The following NPSR1 variants were observed in gnomAD, a reference collection of about 807,000 sequenced individuals.
The protein encoded by NPSR1 is neuropeptide S receptor 1.
In NPSR1, 48 loss-of-function variants were observed where a neutral mutation model predicts 46.9. The observed-to-expected ratio is 1.02, with a 90% CI of 0.81 to 1.30. The LOEUF (loss-of-function observed/expected upper bound fraction) is 1.30, where lower values mean the gene tolerates loss of function less well. NPSR1 is among the 50% of genes most tolerant of loss of function. NPSR1 has a pLI of 0.00. For missense variants in NPSR1, 450 were observed against 449.5 expected, an observed-to-expected ratio of 1.00 and a Z score of -0.01; for synonymous variants, 176 against 168.1, an observed-to-expected ratio of 1.05 and a Z score of -0.36.
intron 5 of NPSR1, 40 bp downstream of exon 5, chr7:34,827,642 G>GGC: frequency 1.7e-6 from 1 of 605,470 alleles, no homozygotes; most frequent in South Asian, 1.4e-5. Flanking sequence ...GGGGGGTGGG[G>GGC]CGGGGGGGGC....
chr7:34,661,448 C>T (rs1791447587), intron 1 of NPSR1, among the ~76,000 whole-genome samples: 1 of 152,186 alleles, frequency 6.6e-6, no homozygotes, highest in Non-Finnish European at 1.5e-5. Context: ...TACCTAGGCT[C>T]CTGACTTCGT....
intron 2 of NPSR1, among the ~76,000 whole-genome samples, chr7:34,687,864 T>A (rs1227644864): frequency 6.6e-6 from 1 of 152,156 alleles, no homozygotes; most frequent in East Asian, 1.9e-4. Context: ...GGGCCAAGAT[T>A]TCATAGAGCA....
intron 1 of NPSR1, among the ~76,000 whole-genome samples, chr7:34,679,604 A>T (rs2125405): frequency 0.11 from 16,571 of 152,130 alleles, 985 homozygotes; most frequent in African/African-American, 0.15. Context: ...TGTTGAAGGA[A>T]ATGATGTTAT....
chr7:34,723,743 G>C (rs576369228), intron 2 of NPSR1, among the ~76,000 whole-genome samples: 1 of 152,084 alleles, frequency 6.6e-6, no homozygotes, highest in South Asian at 2.1e-4. Flanking sequence ...CTGTGCTCAA[G>C]CAATCCCTTC....
At position 34,868,595 on chromosome 7, in the gene NPSR1, C is replaced by T. The variant is rs140234623; in HGVS notation, c.1026-9481C>T. Among the ~76,000 whole-genome samples the T allele has an allele frequency of 1.2e-4, 18 of 151,618 alleles. 1 individual carries two copies. Among genetic ancestry groups the T allele is most frequent in the Middle Eastern group, 3.4e-3 (1 of 294 alleles). On this transcript the variant is annotated intron_variant, in intron 8 of 8. Transcript: ENST00000359791. ...AGACATGTCAGGGTGAACTTGCTCT[C>T]GGCAGAAGAGAGAAACCTCCCACTA...
At chr7:34,690,895 G>A (rs1016099381) in intron 2 of NPSR1, among the ~76,000 whole-genome samples, 4 of 152,070 alleles carry the variant, frequency 2.6e-5, no homozygotes, top group Admixed American at 1.3e-4. Context: ...AAGACACATC[G>A]TGAGAAGAAC....
At chr7:34,767,550 A>C (rs1440884467) in intron 2 of NPSR1, among the ~76,000 whole-genome samples, 1 of 152,200 alleles carries the variant, frequency 6.6e-6, no homozygotes, top group Non-Finnish European at 1.5e-5. Context: ...ATAGATCCAT[A>C]AAAATTGCCC....
chr7:34,684,476 A>T, intron 1 of NPSR1, 76 bp from the exon 2 acceptor site: 1 of 1,457,352 alleles, frequency 6.9e-7, no homozygotes, highest in Non-Finnish European at 9.4e-7. Flanking sequence ...GAAGAAATCC[A>T]GCCTGGGGCA....
At chr7:34,748,439 C>G (rs1785327677) in intron 2 of NPSR1, among the ~76,000 whole-genome samples, 1 of 152,182 alleles carries the variant, frequency 6.6e-6, no homozygotes, top group African/African-American at 2.4e-5. Context: ...AGACAGAAAG[C>G]AGCCTCAGGA....
At chr7:34,676,199 T>G (rs1358050843) in intron 1 of NPSR1, among the ~76,000 whole-genome samples, 1 of 152,204 alleles carries the variant, frequency 6.6e-6, no homozygotes, top group African/African-American at 2.4e-5. Context: ...AAACCAATTT[T>G]TATTGCATAT....
At chr7:34,704,930 T>C (rs1349853165) in intron 2 of NPSR1, among the ~76,000 whole-genome samples, 1 of 152,238 alleles carries the variant, frequency 6.6e-6, no homozygotes, top group Non-Finnish European at 1.5e-5. Flanking sequence ...CTTCCTGAGC[T>C]GGTTGCTGCA....
chr7:34,730,584 C>T lies in NPSR1; in HGVS notation c.280+45900C>T, dbSNP rs929140508. ...ACAATTGGATGTGTAAAAATTTGAG[C>T]GTGGTGCTAGTGGGCATTTAAGCTA... On this transcript the variant is annotated intron_variant, in intron 2 of 8. Coordinates refer to ENST00000360581, the MANE Select transcript of NPSR1 (RefSeq NM_207172.2). Among the ~76,000 whole-genome samples the T allele has an allele frequency of 4.6e-5, 7 of 152,146 alleles. No individual in the cohort carries two copies. In the South Asian group the frequency reaches 6.2e-4, roughly 13 times the overall value.
At chr7:34,757,066 T>A (rs1012047487) in intron 2 of NPSR1, among the ~76,000 whole-genome samples, 7 of 152,198 alleles carry the variant, frequency 4.6e-5, no homozygotes, top group Non-Finnish European at 7.4e-5. Context: ...TACGCAAAAA[T>A]TGCCATGTTG....
chr7:34,688,901 C>T (rs559900699), intron 2 of NPSR1, among the ~76,000 whole-genome samples: 7 of 152,326 alleles, frequency 4.6e-5, no homozygotes, highest in African/African-American at 1.7e-4. Flanking sequence ...GATGCCCAGA[C>T]ATATTTCCAG....
chr7:34,743,827 A>G (rs1277268237), intron 2 of NPSR1, among the ~76,000 whole-genome samples: 7 of 152,078 alleles, frequency 4.6e-5, no homozygotes, highest in African/African-American at 1.7e-4. Flanking sequence ...TTGTCTAGTT[A>G]TATTTTTGTT....
intron 1 of NPSR1, among the ~76,000 whole-genome samples, chr7:34,677,886 TA>T (rs1205885042): frequency 9.2e-5 from 14 of 152,180 alleles, no homozygotes; most frequent in African/African-American, 3.4e-4. Flanking sequence ...GCTGGCTAAG[TA>T]AAACTTGGGC....
chr7:34,716,628 G>A (rs555637177), intron 2 of NPSR1, among the ~76,000 whole-genome samples: 14 of 152,256 alleles, frequency 9.2e-5, no homozygotes, highest in African/African-American at 2.9e-4. Context: ...TGTCTGATAT[G>A]TGAGTCCTCA....
At chr7:34,872,654 G>A (rs1261632298) in intron 8 of NPSR1, among the ~76,000 whole-genome samples, 1 of 151,770 alleles carries the variant, frequency 6.6e-6, no homozygotes, top group East Asian at 1.9e-4. Context: ...TGGAAGGCAA[G>A]GAGAAGCAAA....
intron 3 of NPSR1, among the ~76,000 whole-genome samples, chr7:34,778,775 T>A (rs1348571758): frequency 6.6e-6 from 1 of 152,172 alleles, no homozygotes; most frequent in East Asian, 1.9e-4. Context: ...GAGCCACAAA[T>A]GAGCAATGCT....
Sources: gnomAD v4.1 joint callset for allele counts (sites outside exome capture counted in the v4.1 genomes callset) on GRCh38, gnomAD v4.1.1 for gene constraint, MANE v1.5 for transcripts, NCBI Gene and HGNC (gene_info 2026-07-23, HGNC 2026-07-21) for gene names.